MAGI2: variants seen among roughly 807,000 people sequenced by gnomAD.
MAGI2 encodes the protein membrane-associated guanylate kinase, WW and PDZ domain-containing protein 2.
MAGI2 carries 35 observed loss-of-function variants against 133.3 expected under a neutral mutation model. The observed-to-expected ratio is 0.26, with a 90% CI of 0.20 to 0.35. The LOEUF (loss-of-function observed/expected upper bound fraction) is 0.35, where lower values mean the gene tolerates loss of function less well. MAGI2 is among the 10% of genes least tolerant of loss of function. MAGI2 has a pLI of 1.00. For synonymous variants in MAGI2, 729 were observed against 710.6 expected (o/e 1.03, Z -0.41); for missense variants, 1,636 against 1,863.4 (o/e 0.88, Z 2.25).
chr7:78,074,697 C>T (rs1240621225), intron 21 of MAGI2, among the ~76,000 whole-genome samples: 1 of 152,140 alleles, frequency 6.6e-6, no homozygotes, highest in African/African-American at 2.4e-5. Context: ...TCTAGTTTAT[C>T]TTAGACAAAA....
chr7:78,023,904 G>T (rs13438707), intron 21 of MAGI2, among the ~76,000 whole-genome samples: 12,077 of 152,276 alleles, frequency 0.079, 1,253 homozygotes, highest in African/African-American at 0.24. Flanking sequence ...AGCAGTTGTT[G>T]ACATAGCACT....
At chr7:78,180,543 T>C (rs1827091238) in intron 13 of MAGI2, among the ~76,000 whole-genome samples, 1 of 152,170 alleles carries the variant, frequency 6.6e-6, no homozygotes, top group African/African-American at 2.4e-5. Context: ...AGCAAGTAAA[T>C]TTTATTGAAC....
At chr7:79,056,819 TGCATGCAA>T (rs1813189289) in intron 1 of MAGI2, among the ~76,000 whole-genome samples, 1 of 152,232 alleles carries the variant, frequency 6.6e-6, no homozygotes, top group African/African-American at 2.4e-5. Flanking sequence ...ACTAAAATAC[TGCATGCAA>T]TCACTTTCAA....
rs1435776463 is a variant in MAGI2, at chr7:79,063,209, AGT to A, written c.302-56005_302-56004del. On this transcript the variant is annotated intron_variant, in intron 1 of 21. Coordinates refer to ENST00000354212, the MANE Select transcript of MAGI2 (RefSeq NM_012301.4). ...ACTCATTGCAATCTGCTCTTCCAAC[AGT>A]GTGTTTCCAACAAATGTGTGACTGG... 3.3e-5 allele frequency among the ~76,000 whole-genome samples: 5 copies of A among 152,184 alleles called. No homozygotes were observed. In the East Asian group the frequency reaches 9.7e-4, roughly 29 times the overall value.
chr7:78,893,183 C>T (rs1164541103), intron 2 of MAGI2, among the ~76,000 whole-genome samples: 1 of 151,888 alleles, frequency 6.6e-6, no homozygotes, highest in Admixed American at 6.6e-5. Flanking sequence ...CAAGGAGATA[C>T]CATCTCACAC....
At chr7:78,335,223 T>G in intron 9 of MAGI2, among the ~76,000 whole-genome samples, 1 of 152,176 alleles carries the variant, frequency 6.6e-6, no homozygotes, top group Non-Finnish European at 1.5e-5. Flanking sequence ...GGAAGGACTC[T>G]CAGTTGCTCC....
chr7:79,386,033 T>C (rs1683682142), intron 1 of MAGI2, among the ~76,000 whole-genome samples: 1 of 152,018 alleles, frequency 6.6e-6, no homozygotes, highest in Non-Finnish European at 1.5e-5. Flanking sequence ...GGGATTCTGA[T>C]AACATTAAAA....
intron 1 of MAGI2, among the ~76,000 whole-genome samples, chr7:79,091,520 A>G (rs17151940): frequency 0.027 from 4,125 of 152,296 alleles, 77 homozygotes; most frequent in Non-Finnish European, 0.043. Flanking sequence ...AGTTGTGATA[A>G]CAGGAATTAG....
chr7:78,283,393 A>G (rs1795824226), intron 9 of MAGI2, among the ~76,000 whole-genome samples: 1 of 152,132 alleles, frequency 6.6e-6, no homozygotes, highest in Non-Finnish European at 1.5e-5. Flanking sequence ...TTAGCTCTAG[A>G]GAATTTAAGG....
chr7:79,170,137 CTTTTTTTTTT>C (rs10539344), intron 1 of MAGI2, among the ~76,000 whole-genome samples: 5 of 42,924 alleles, frequency 1.2e-4, no homozygotes, highest in Admixed American at 8.7e-4. Context: ...AGATATTATA[CTTTTTTTTTT>C]TTTTTTTTTT....
intron 3 of MAGI2, among the ~76,000 whole-genome samples, chr7:78,583,690 G>T (rs1023551156): frequency 6.6e-6 from 1 of 152,066 alleles, no homozygotes; most frequent in Non-Finnish European, 1.5e-5. Context: ...TAGCCAAAAT[G>T]GGTGACAGTA....
intron 20 of MAGI2, among the ~76,000 whole-genome samples, chr7:78,123,829 C>T (rs1424819803): frequency 6.6e-6 from 1 of 152,176 alleles, no homozygotes; most frequent in East Asian, 1.9e-4. Context: ...GGTGACCCCA[C>T]TCCTAGAGTT....
chr7:79,392,658 T>C (rs1279090733), intron 1 of MAGI2, among the ~76,000 whole-genome samples: 3 of 152,228 alleles, frequency 2.0e-5, no homozygotes, highest in African/African-American at 7.2e-5. Flanking sequence ...AAATGTCTTC[T>C]TTTGAGAAGT....
At chr7:79,404,882 T>C (rs1001126535) in intron 1 of MAGI2, among the ~76,000 whole-genome samples, 32 of 152,098 alleles carry the variant, frequency 2.1e-4, no homozygotes, top group African/African-American at 7.7e-4. Context: ...TACCCATATG[T>C]GTCCTCCTAG....
chr7:78,213,830 C>T (rs780250816), intron 10 of MAGI2, among the ~76,000 whole-genome samples: 1 of 152,196 alleles, frequency 6.6e-6, no homozygotes, highest in Non-Finnish European at 1.5e-5. Context: ...TCATTCTTTG[C>T]TCAAACTCTG....
intron 6 of MAGI2, among the ~76,000 whole-genome samples, chr7:78,392,098 A>G (rs1380904188): frequency 1.3e-5 from 2 of 152,228 alleles, no homozygotes; most frequent in Non-Finnish European, 2.9e-5. Flanking sequence ...AAGAGAAGAT[A>G]CGATCCTTGC....
chr7:78,272,070 T>C (rs1794636537), intron 9 of MAGI2, among the ~76,000 whole-genome samples: 1 of 152,222 alleles, frequency 6.6e-6, no homozygotes, highest in African/African-American at 2.4e-5. Flanking sequence ...TGCTTTCTCT[T>C]GCGGGCATTT....
chr7:78,593,025 T>C (rs1338667869), intron 3 of MAGI2, among the ~76,000 whole-genome samples: 3 of 151,202 alleles, frequency 2.0e-5, no homozygotes, highest in East Asian at 2.0e-4. Context: ...AGAGATGGAG[T>C]TTCACTACAT....
intron 1 of MAGI2, among the ~76,000 whole-genome samples, chr7:79,059,675 C>T (rs1254707209): frequency 3.9e-5 from 6 of 151,996 alleles, no homozygotes; most frequent in Admixed American, 3.9e-4. Context: ...TTGTAATATA[C>T]AATAATCAAG....
Sources: allele counts gnomAD v4.1 joint callset (sites outside exome capture counted in the v4.1 genomes callset), GRCh38; gene constraint gnomAD v4.1.1; transcripts MANE v1.5; gene names NCBI Gene and HGNC (gene_info 2026-07-23, HGNC 2026-07-21).